The following ZKSCAN2 variants were observed in gnomAD, a reference collection of about 807,000 sequenced individuals.
The protein encoded by ZKSCAN2 is zinc finger protein with KRAB and SCAN domains 2.
A neutral mutation model predicts 90.5 loss-of-function variants in ZKSCAN2; 38 were observed. That is an observed-to-expected ratio of 0.42 (90% CI 0.32 to 0.55). The LOEUF (loss-of-function observed/expected upper bound fraction) is 0.55. ZKSCAN2 is among the 20% of genes least tolerant of loss of function. The pLI is 0.11. For synonymous variants in ZKSCAN2, 429 were observed against 421.6 expected (o/e 1.02, Z -0.22); for missense variants, 1,167 against 1,202.6 (o/e 0.97, Z 0.44).
chr16:25,242,811 A>T (rs1177147955), intron 6 of ZKSCAN2, among the ~76,000 whole-genome samples: 1 of 152,230 alleles, frequency 6.6e-6, no homozygotes, highest in Non-Finnish European at 1.5e-5. Context: ...GGGTGGAGAA[A>T]ACTGGTTTGG....
chr16:25,252,873 GC>G (rs1963041672), intron 3 of ZKSCAN2, 72 bp downstream of exon 3: 4 of 1,239,950 alleles, frequency 3.2e-6, no homozygotes, highest in Non-Finnish European at 4.7e-6. Context: ...AGCTGAGATT[GC>G]GCCACTGTAC....
At chr16:25,249,594 TTGTTA>T (rs1962988387) in intron 4 of ZKSCAN2, among the ~76,000 whole-genome samples, 1 of 152,130 alleles carries the variant, frequency 6.6e-6, no homozygotes, top group Admixed American at 6.5e-5. Context: ...GGTGATGGAT[TTGTTA>T]ATTAGCTGAT....
chr16:25,246,196 A>T (rs1312173446), intron 5 of ZKSCAN2: 1 of 153,658 alleles, frequency 6.5e-6, no homozygotes, highest in East Asian at 1.9e-4. Context: ...TTTATATCTT[A>T]TTTTTTTCCA....
At chr16:25,246,581 C>T in intron 5 of ZKSCAN2, 126 bp downstream of exon 5, 1 of 957,028 alleles carries the variant, frequency 1.0e-6, no homozygotes, top group Non-Finnish European at 1.6e-6. Flanking sequence ...GATGTGGCCA[C>T]ACCACAGTGA....
intron 6 of ZKSCAN2, among the ~76,000 whole-genome samples, chr16:25,241,789 A>C (rs1403431753): frequency 1.3e-5 from 2 of 152,310 alleles, no homozygotes; most frequent in South Asian, 2.1e-4. Flanking sequence ...ATAACTCTCA[A>C]TCCCAAGTGT....
rs754271993 is a variant in ZKSCAN2 at position 25,240,341 on chromosome 16, G to A, written c.2379C>T (p.His793=). The change falls in exon 7 of 7, where the codon CAC becomes CAT. Residue 793 remains histidine (H), a synonymous_variant. Transcript: ENST00000328086. ...GTTTTTCGCCTGTGTGGATTCTTTGGTGTCTGATCAGGCTCCTGCTTCTAC... is the reference window on the plus strand; with the variant it reads ...GTTTTTCGCCTGTGTGGATTCTTTGATGTCTGATCAGGCTCCTGCTTCTAC... ...CFGRSRSLIR[H]QRIHTGEKPF... 7.2e-5 allele frequency: 116 copies of A among 1,613,884 alleles called. No homozygotes were observed. Among genetic ancestry groups the A allele is most frequent in the Middle Eastern group, 4.9e-4 (3 of 6,082 alleles).
intron 5 of ZKSCAN2, chr16:25,246,425 T>TA: frequency 2.0e-6 from 1 of 494,510 alleles, no homozygotes; most frequent in East Asian, 3.3e-5. Flanking sequence ...TAGAACCCTG[T>TA]AACTCCATTT....
intron 2 of ZKSCAN2, among the ~76,000 whole-genome samples, chr16:25,254,529 GC>G (rs1417292493): frequency 6.6e-6 from 1 of 152,188 alleles, no homozygotes; most frequent in Non-Finnish European, 1.5e-5. Context: ...TTTATAGTCA[GC>G]CAAGAGCACA....
chr16:25,239,263 CAA>C lies in ZKSCAN2; in HGVS notation c.*551_*552del, dbSNP rs58897018. ...CTAGCTATTTGGATCAACTTCTTGACAAAAAAAAAAAAAAAGGTACACTGTAA... is the reference window on the plus strand; with the variant it reads ...CTAGCTATTTGGATCAACTTCTTGACAAAAAAAAAAAAAGGTACACTGTAA... On this transcript the variant is annotated 3_prime_UTR_variant, in exon 7 of 7. Transcript: ENST00000328086. 8,896 of 91,984 alleles carry C rather than the reference CAA, an allele frequency of 0.097. 319 individuals are homozygous for C. Among genetic ancestry groups the C allele is most frequent in the South Asian group, 0.19 (523 of 2,806 alleles). 5.7% of individuals were successfully genotyped at this position (91,984 alleles called of 1,614,324 possible). A position where few individuals can be genotyped will look rare whatever the true frequency, so the allele number is the denominator to read the frequency against.
At chr16:25,256,596 C>G (rs988478752) in intron 1 of ZKSCAN2, 133 bp downstream of exon 1, 1 of 908,196 alleles carries the variant, frequency 1.1e-6, no homozygotes, top group Admixed American at 2.7e-5. Flanking sequence ...GTGAAAAGAC[C>G]CCCTTATAGG....
Position 25,255,252 on chromosome 16 carries a change from C to T in ZKSCAN2, c.540G>A (p.Gln180=), listed in dbSNP as rs1963080827. Residue 180 remains glutamine (Q), a synonymous_variant, in exon 2 of 7, where the codon CAG becomes CAA. Transcript: ENST00000328086. ...EEPGSLHSGH[Q]EQLNRKRERR... The stretch of plus-strand genomic sequence containing the variant: ...GTTCTCGCTTTCGGTTCAGCTGTTC[C>T]TGGTGTCCTGAGTGGAGGCTTCCAG... The T allele has an allele frequency of 4.3e-6, 7 of 1,611,430 alleles. No individual in the cohort carries two copies. In the Admixed American group the frequency reaches 5.1e-5, roughly 12 times the overall value.
chr16:25,242,576 TGA>T (rs920618998), intron 6 of ZKSCAN2, among the ~76,000 whole-genome samples: 6 of 151,494 alleles, frequency 4.0e-5, no homozygotes, highest in East Asian at 1.9e-4. Flanking sequence ...GTATGGGAGG[TGA>T]GAGAGAATTT....
chr16:25,255,461 A>G, intron 1 of ZKSCAN2, 69 bp from the exon 2 acceptor site: 1 of 1,474,340 alleles, frequency 6.8e-7, no homozygotes, highest in East Asian at 2.3e-5. Context: ...TTCTCCCAGG[A>G]AAGACATCAA....
In ZKSCAN2 at chr16:25,249,444, T is replaced by C. The variant is rs542872489; in HGVS notation, c.806-2054A>G. 3.7e-4 allele frequency among the ~76,000 whole-genome samples: 57 copies of C among 152,068 alleles called. 1 individual carries two copies. In the South Asian group the frequency reaches 0.011, roughly 29 times the overall value. On this transcript the variant is annotated intron_variant, in intron 4 of 6. Transcript: ENST00000328086. Reference sequence around the variant, plus strand: ...GATTACAGGCACCCACCACCACACCTGGCTAATTTTTGTATTTTTAGTAGA... The same window carrying C: ...GATTACAGGCACCCACCACCACACCCGGCTAATTTTTGTATTTTTAGTAGA...
In ZKSCAN2 at chr16:25,243,994, G is replaced by A. The variant is rs1300236482; in HGVS notation, c.1772C>T (p.Ser591Phe). Residue 591 changes from serine (S) to phenylalanine (F), a missense_variant, in exon 6 of 7, where the codon TCC becomes TTC. By Grantham distance (155) the Ser-to-Phe change is radical. Transcript: ENST00000328086. ...TGGGACTTCCTCTGGGGTGCTGGGGGAAGGAGCAGATGCCCGAGAGTTAAT... is the reference window on the plus strand; with the variant it reads ...TGGGACTTCCTCTGGGGTGCTGGGGAAAGGAGCAGATGCCCGAGAGTTAAT... ...ALINSRASAP[S>F]PSTPEEVPSP... The A allele has an allele frequency of 6.2e-7, 1 of 1,614,194 alleles. No individual in the cohort carries two copies. Among genetic ancestry groups the A allele is most frequent in the Non-Finnish European group, 8.5e-7 (1 of 1,180,036 alleles).
In ZKSCAN2 at chr16:25,237,383, C is replaced by T. The variant is rs572926926; in HGVS notation, c.*2433G>A. 6.6e-6 allele frequency: 1 copy of T among 152,114 alleles called. No individual in the cohort carries two copies. The highest frequency in any genetic ancestry group is 1.5e-5 in the Non-Finnish European group (1 of 68,024). 9.4% of individuals were successfully genotyped at this position (152,114 alleles called of 1,614,324 possible). On this transcript the variant is annotated 3_prime_UTR_variant, in exon 7 of 7. Coordinates refer to ENST00000328086, the MANE Select transcript of ZKSCAN2 (RefSeq NM_001012981.5). ...CAATTAGGAGTAGAGATAGGGGAAC[C>T]CAAATTCCACCTCAGCTTGCTCCCA...
chr16:25,241,247 A>G (rs985049883), intron 6 of ZKSCAN2, among the ~76,000 whole-genome samples: 26 of 152,190 alleles, frequency 1.7e-4, no homozygotes, highest in African/African-American at 6.3e-4. Flanking sequence ...ACACTAAATG[A>G]AATCTTAATT....
chr16:25,255,041 T>C (rs141496815), intron 2 of ZKSCAN2, among the ~76,000 whole-genome samples, 165 bp downstream of exon 2: 93 of 152,182 alleles, frequency 6.1e-4, no homozygotes, highest in African/African-American at 2.0e-3. Context: ...TATGATACCT[T>C]TTCACTTATA....
In ZKSCAN2 at chr16:25,240,175, G is replaced by A. The variant is rs201757675; in HGVS notation, c.2545C>T (p.His849Tyr). 1.2e-5 allele frequency: 19 copies of A among 1,613,946 alleles called. No homozygotes were observed. Among genetic ancestry groups the A allele is most frequent in the Non-Finnish European group, 2.5e-6 (3 of 1,180,022 alleles). ...TTCTCACCGGTGTGCGTTCTCTGAT[G>A]TATAATAAGACTAGAGCTCTGACTA... ...CFSQSSSLII[H>Y]QRTHTGEKPY... The change falls in exon 7 of 7, where the codon CAT (histidine) becomes TAT (tyrosine). Residue 849 changes from histidine (H) to tyrosine (Y), a missense_variant. Transcript: ENST00000328086.
Sources: allele counts gnomAD v4.1 joint callset (sites outside exome capture counted in the v4.1 genomes callset), GRCh38; gene constraint gnomAD v4.1.1; transcripts MANE v1.5; gene names NCBI Gene and HGNC (gene_info 2026-07-23, HGNC 2026-07-21).